FRS2: variants seen among roughly 807,000 people sequenced by gnomAD.
FRS2 encodes FGFR signalling adaptor.
In FRS2, 8 loss-of-function variants were observed where a neutral mutation model predicts 43.9. The ratio of observed to expected loss-of-function variants is 0.18; its 90% CI spans 0.11 to 0.33. The LOEUF is 0.33. Ranked by LOEUF, FRS2 falls within the 10% of genes least tolerant of loss-of-function variation. The pLI, the probability that FRS2 is intolerant of heterozygous loss-of-function variation, is 1.00. For missense variants in FRS2, 534 were observed against 627.6 expected (o/e 0.85, Z 1.59); for synonymous variants, 219 against 220.3 (o/e 0.99, Z 0.05).
chr12:69,550,322 C>T (rs1040530544), intron 3 of FRS2, among the ~76,000 whole-genome samples: 1 of 152,116 alleles, frequency 6.6e-6, no homozygotes, highest in Admixed American at 6.6e-5. Flanking sequence ...TGTTTAGTAA[C>T]TTAATTCAGT....
At chr12:69,541,157 G>T (rs1017572006) in intron 3 of FRS2, among the ~76,000 whole-genome samples, 1 of 152,004 alleles carries the variant, frequency 6.6e-6, no homozygotes, top group East Asian at 1.9e-4. Flanking sequence ...ATTTTAGATC[G>T]CATCCCACTC....
chr12:69,538,197 T>TTATATATA (rs151295024), intron 3 of FRS2, among the ~76,000 whole-genome samples: 1,595 of 81,506 alleles, frequency 0.02, 57 homozygotes, highest in African/African-American at 0.045. Flanking sequence ...AAAACAAATT[T>TTATATATA]TATATATATA....
At chr12:69,508,149 A>G (rs1441149907) in intron 1 of FRS2, among the ~76,000 whole-genome samples, 1 of 150,768 alleles carries the variant, frequency 6.6e-6, no homozygotes, top group Non-Finnish European at 1.5e-5. Context: ...TCTGTGAGGT[A>G]GCCTTTCAGT....
intron 1 of FRS2, among the ~76,000 whole-genome samples, chr12:69,490,220 G>A (rs1872346201): frequency 6.6e-6 from 1 of 152,046 alleles, no homozygotes; most frequent in Non-Finnish European, 1.5e-5. Context: ...AGTAGTATTA[G>A]CTGCTATCAA....
intron 8 of FRS2, among the ~76,000 whole-genome samples, chr12:69,572,695 C>A (rs911154968): frequency 6.6e-6 from 1 of 152,162 alleles, no homozygotes; most frequent in African/African-American, 2.4e-5. Context: ...TGCTAGTTTT[C>A]ATGTGTGGAA....
intron 1 of FRS2, among the ~76,000 whole-genome samples, chr12:69,493,038 A>G (rs1173480746): frequency 2.6e-5 from 4 of 152,260 alleles, no homozygotes; most frequent in Admixed American, 6.5e-5. Flanking sequence ...AACTAAAGAC[A>G]TATTAAGATA....
intron 1 of FRS2, among the ~76,000 whole-genome samples, chr12:69,515,992 G>A (rs915848972): frequency 1.4e-4 from 21 of 150,800 alleles, no homozygotes; most frequent in African/African-American, 4.9e-4. Context: ...AGAGGAAATG[G>A]TAAAGACAAA....
At chr12:69,503,405 G>A (rs1000311147) in intron 1 of FRS2, among the ~76,000 whole-genome samples, 1 of 152,136 alleles carries the variant, frequency 6.6e-6, no homozygotes, top group African/African-American at 2.4e-5. Context: ...GCCTGATCAT[G>A]AAAGTAAAAT....
At chr12:69,557,717 G>A (rs1879546801) in intron 3 of FRS2, 1 of 151,514 alleles carries the variant, frequency 6.6e-6, no homozygotes, top group African/African-American at 2.4e-5. Context: ...CTCATCTGCT[G>A]GATTTGCACA....
intron 1 of FRS2, among the ~76,000 whole-genome samples, chr12:69,493,094 C>T (rs1380657742): frequency 2.6e-5 from 4 of 152,202 alleles, no homozygotes; most frequent in Admixed American, 6.5e-5. Flanking sequence ...GATCTTAAAA[C>T]TCCGCTGACA....
chr12:69,492,070 A>G (rs1872540613), intron 1 of FRS2, among the ~76,000 whole-genome samples: 1 of 152,216 alleles, frequency 6.6e-6, no homozygotes, highest in Non-Finnish European at 1.5e-5. Context: ...ATGTGGTTGC[A>G]AGCACTGATC....
At chr12:69,542,523 A>C (rs1419659304) in intron 3 of FRS2, among the ~76,000 whole-genome samples, 2 of 149,550 alleles carry the variant, frequency 1.3e-5, no homozygotes, top group East Asian at 3.9e-4. Context: ...TTATTTTTTC[A>C]AACAGATTTT....
chr12:69,470,606 G>A, intron 1 of FRS2, 76 bp downstream of exon 1: 1 of 395,954 alleles, frequency 2.5e-6, no homozygotes, highest in Non-Finnish European at 4.4e-6. Flanking sequence ...CCCGCTGCCC[G>A]CTTCGGGATC....
chr12:69,551,082 C>T (rs1428735856), intron 3 of FRS2, among the ~76,000 whole-genome samples: 4 of 152,104 alleles, frequency 2.6e-5, no homozygotes, highest in African/African-American at 9.7e-5. Flanking sequence ...GAAATATTCT[C>T]AAAGTTGCTT....
In FRS2 at chr12:69,574,975, G is replaced by T; in HGVS notation, c.*20G>T. The T allele has an allele frequency of 6.8e-7, 1 of 1,476,180 alleles. No individual in the cohort carries two copies. The highest frequency in any genetic ancestry group is 1.2e-5 in the South Asian group (1 of 84,966). 91.4% of individuals were successfully genotyped at this position (1,476,180 alleles called of 1,614,324 possible). On this transcript the variant is annotated 3_prime_UTR_variant, in exon 9 of 9. Transcript: ENST00000549921. ...ATGTGAGCCTGGAAAGCATTGTGTT[G>T]TTTGCACCTTTGTGAAGTTTTTAAA...
rs1349946562 is a variant in FRS2 at position 69,579,558 on chromosome 12, G to A, written c.*4603G>A. Reference sequence around the variant, plus strand: ...TGTAAAATATGGTTTAATATTAGATGACTTTGGATTTTGCAATGCCTTACT... The same window carrying A: ...TGTAAAATATGGTTTAATATTAGATAACTTTGGATTTTGCAATGCCTTACT... On this transcript the variant is annotated 3_prime_UTR_variant, in exon 9 of 9. Coordinates refer to ENST00000549921, the MANE Select transcript of FRS2 (RefSeq NM_001278356.2). 6.6e-6 allele frequency: 1 copy of A among 152,436 alleles called. No individual in the cohort carries two copies. The highest frequency in any genetic ancestry group is 2.4e-5 in the African/African-American group (1 of 41,404). 9.4% of individuals were successfully genotyped at this position (152,436 alleles called of 1,614,324 possible). A position where few individuals can be genotyped will look rare whatever the true frequency, so the allele number is the denominator to read the frequency against.
chr12:69,514,590 T>C (rs145568374), intron 1 of FRS2, among the ~76,000 whole-genome samples: 2,319 of 152,258 alleles, frequency 0.015, 63 homozygotes, highest in African/African-American at 0.052. Flanking sequence ...CCCAGCACTT[T>C]AGGAGGCTGA....
rs1881245615 is a variant in FRS2, at chr12:69,577,132, T to G, written c.*2177T>G. The G allele has an allele frequency of 6.6e-6, 1 of 152,132 alleles. No individual in the cohort carries two copies. The allele number at this position is 152,132 out of a possible 1,614,324, so 9.4% of individuals were successfully genotyped here. The stretch of plus-strand genomic sequence containing the variant: ...TCTTTCCGTCATCCTTTTCATTGTT[T>G]CCCCCGGATTCTAATTAGTTTTTAT... On this transcript the variant is annotated 3_prime_UTR_variant, in exon 9 of 9. Transcript: ENST00000549921.
chr12:69,566,187 A>C lies in FRS2; in HGVS notation c.-26-2818A>C, dbSNP rs144462765. On this transcript the variant is annotated intron_variant, in intron 4 of 8. Transcript: ENST00000549921. ...TATCCCTGCCAGCACGAGAGGTTCTACCTTAACAGGTAGCTTATGAAGATG... is the reference window on the plus strand; with the variant it reads ...TATCCCTGCCAGCACGAGAGGTTCTCCCTTAACAGGTAGCTTATGAAGATG... 4.2e-3 allele frequency among the ~76,000 whole-genome samples: 632 copies of C among 152,190 alleles called. 5 individuals are homozygous for C. Among genetic ancestry groups the C allele is most frequent in the African/African-American group, 0.013 (525 of 41,528 alleles).
Sources: gnomAD v4.1 joint callset for allele counts (sites outside exome capture counted in the v4.1 genomes callset) on GRCh38, gnomAD v4.1.1 for gene constraint, MANE v1.5 for transcripts, NCBI Gene and HGNC (gene_info 2026-07-23, HGNC 2026-07-21) for gene names.